The following SAMHD1 variants were observed in gnomAD, a reference collection of about 807,000 sequenced individuals.
SAMHD1 encodes SAM and HD domain containing deoxynucleoside triphosphate triphosphohydrolase 1.
In SAMHD1, 54 loss-of-function variants were observed where a neutral mutation model predicts 79.6. The ratio of observed to expected loss-of-function variants is 0.68; its 90% CI spans 0.55 to 0.85. The LOEUF (loss-of-function observed/expected upper bound fraction) is 0.85, where lower values mean the gene tolerates loss of function less well. Ranked by LOEUF, SAMHD1 falls within the 40% of genes least tolerant of loss-of-function variation. The pLI is 0.00. For synonymous variants in SAMHD1, 260 were observed against 264.1 expected, an observed-to-expected ratio of 0.98 and a Z score of 0.15; for missense variants, 663 against 782.7, an observed-to-expected ratio of 0.85 and a Z score of 1.82.
rs747865444 is a variant in SAMHD1 at position 36,951,562 on chromosome 20, C to T, written c.82G>A (p.Ala28Thr). The change falls in exon 1 of 16, where the codon GCA becomes ACA. Residue 28 changes from alanine (A) to threonine (T), a missense_variant. Physicochemically the swap from Ala to Thr is moderately conservative, Grantham distance 58 (BLOSUM62 0). Transcript: ENST00000646673. ...AGGCCCGGGGACCAGTCTGCCTCTG[C>T]GGAAGGGGTGTTTGAGGGGGTTCTC... Reference protein sequence around the residue: ...SPRTPSNTPSAEADWSPGLEL... With the variant: ...SPRTPSNTPSTEADWSPGLEL... The T allele has an allele frequency of 9.3e-6, 15 of 1,614,182 alleles. No homozygotes were observed. Among genetic ancestry groups the T allele is most frequent in the Non-Finnish European group, 1.3e-5 (15 of 1,180,000 alleles).
At chr20:36,949,977 C>T (rs1232239282) in intron 1 of SAMHD1, among the ~76,000 whole-genome samples, 1 of 150,468 alleles carries the variant, frequency 6.6e-6, no homozygotes, top group Non-Finnish European at 1.5e-5. Flanking sequence ...TAGTGCCTGC[C>T]TGGTCAGATC....
rs1327694039 is a variant in SAMHD1 at position 36,916,998 on chromosome 20, A to G, written c.904T>C (p.Ser302Pro). The G allele has an allele frequency of 1.6e-5, 26 of 1,614,062 alleles. No individual in the cohort carries two copies. The highest frequency in any genetic ancestry group is 2.2e-5 in the Non-Finnish European group (26 of 1,179,946). The change falls in exon 8 of 16, where the codon TCT (serine) becomes CCT (proline). Residue 302 changes from serine (S) to proline (P), a missense_variant. By Grantham distance (74) the Ser-to-Pro change is moderately conservative. Coordinates refer to ENST00000646673, the MANE Select transcript of SAMHD1 (RefSeq NM_015474.4). ...ACATCAATGCCATTTCTTTTATTAG[A>G]TACTATCTCATAAAGGAAGCTTTTG... ...ENKSFLYEIV[S>P]NKRNGIDVDK... is the part of the protein sequence containing the mutation.
intron 3 of SAMHD1, 131 bp downstream of exon 3, chr20:36,940,908 A>G: frequency 1.4e-6 from 1 of 711,140 alleles, no homozygotes; most frequent in East Asian, 2.7e-5. Flanking sequence ...CAGAAAGTTT[A>G]GAAAAGATCC....
chr20:36,948,538 C>A (rs2063710221), intron 1 of SAMHD1, among the ~76,000 whole-genome samples: 1 of 151,072 alleles, frequency 6.6e-6, no homozygotes, highest in Non-Finnish European at 1.5e-5. Context: ...CAGGCGTGAG[C>A]CACCGTGCCC....
At chr20:36,903,857 CT>C in intron 13 of SAMHD1, 1 of 256,666 alleles carries the variant, frequency 3.9e-6, no homozygotes, top group Non-Finnish European at 7.6e-6. Context: ...GGCCCCACAA[CT>C]TTTTCCTCTG....
At chr20:36,930,708 G>GT (rs2063563002) in intron 5 of SAMHD1, 52 bp downstream of exon 5, 1 of 1,198,870 alleles carries the variant, frequency 8.3e-7, no homozygotes, top group East Asian at 2.3e-5. Flanking sequence ...TCAAAGAGAG[G>GT]TAACATATGT....
chr20:36,920,051 C>T (rs1004204421), intron 6 of SAMHD1, among the ~76,000 whole-genome samples: 3 of 152,110 alleles, frequency 2.0e-5, no homozygotes, highest in Non-Finnish European at 4.4e-5. Context: ...GACATCTGCC[C>T]TTTCCTAGAT....
intron 10 of SAMHD1, chr20:36,911,669 C>T (rs904043267): frequency 1.7e-5 from 4 of 234,730 alleles, no homozygotes; most frequent in Admixed American, 1.5e-4. Flanking sequence ...GGCTTTGAAA[C>T]TAGATATCTC....
chr20:36,902,303 T>G (rs1990320347), intron 13 of SAMHD1, among the ~76,000 whole-genome samples: 1 of 152,134 alleles, frequency 6.6e-6, no homozygotes, highest in Non-Finnish European at 1.5e-5. Flanking sequence ...TGCCTCAGCC[T>G]CCTTGAGTAG....
In SAMHD1 at chr20:36,941,104, C is replaced by G; in HGVS notation, c.283G>C (p.Gly95Arg). ...TAACTAAGCAGCTTCTTCCTCTCCC[C>G]CAAGGAACTAAAATTACAATAGGAT... ...RFENLGVSSL[G>R]ERKKLLSYIQ... The change falls in exon 3 of 16, where the codon GGG becomes CGG. Residue 95 changes from glycine to arginine, a missense_variant. Coordinates refer to ENST00000646673, the MANE Select transcript of SAMHD1 (RefSeq NM_015474.4). 1 of 1,610,838 alleles carries G rather than the reference C, an allele frequency of 6.2e-7. No individual in the cohort carries two copies. The highest frequency in any genetic ancestry group is 8.5e-7 in the Non-Finnish European group (1 of 1,177,266).
intron 13 of SAMHD1, among the ~76,000 whole-genome samples, chr20:36,898,963 G>C (rs1187196049): frequency 6.6e-6 from 1 of 151,340 alleles, no homozygotes; most frequent in Non-Finnish European, 1.5e-5. Context: ...GCCTTCTGGG[G>C]ATTTGGAAAT....
At chr20:36,905,845 C>T (rs1041053714) in intron 11 of SAMHD1, among the ~76,000 whole-genome samples, 38 of 151,266 alleles carry the variant, frequency 2.5e-4, no homozygotes, top group African/African-American at 7.5e-4. Context: ...TAGTGGCGGG[C>T]GCCTGTAATC....
intron 11 of SAMHD1, among the ~76,000 whole-genome samples, chr20:36,906,893 G>A (rs567876818): frequency 3.3e-5 from 5 of 151,638 alleles, no homozygotes; most frequent in African/African-American, 1.2e-4. Context: ...CTAGGTTCAA[G>A]TGATTCTCGT....
rs562563721 is a variant in SAMHD1, at chr20:36,935,718, G to T, written c.349-529C>A. Among the ~76,000 whole-genome samples the T allele has an allele frequency of 3.3e-5, 5 of 152,104 alleles. No homozygotes were observed. In the South Asian group the frequency reaches 1.0e-3, roughly 32 times the overall value. ...CCTGAGTAGCTGGGACTACAGGGGT[G>T]TGCCACTATGCCCAGCTAATTTTTG... On this transcript the variant is annotated intron_variant, in intron 3 of 15. Transcript: ENST00000646673.
intron 15 of SAMHD1, 180 bp downstream of exon 15, chr20:36,897,641 GA>G: frequency 1.4e-6 from 1 of 690,900 alleles, no homozygotes; most frequent in East Asian, 2.7e-5. Context: ...CCTGTAGGAA[GA>G]AATCACTGGC....
At chr20:36,902,939 G>A (rs1013534368) in intron 13 of SAMHD1, among the ~76,000 whole-genome samples, 10 of 151,952 alleles carry the variant, frequency 6.6e-5, no homozygotes, top group African/African-American at 1.9e-4. Flanking sequence ...GGGTTTCGCC[G>A]TGTTGGGCAG....
chr20:36,942,898 C>T (rs1019582465), intron 2 of SAMHD1, among the ~76,000 whole-genome samples: 2 of 152,030 alleles, frequency 1.3e-5, no homozygotes, highest in African/African-American at 2.4e-5. Context: ...CCTCGTGATC[C>T]GCCCGCCTCG....
At chr20:36,897,515 G>A (rs1202078322) in intron 15 of SAMHD1, 2 of 426,272 alleles carry the variant, frequency 4.7e-6, no homozygotes, top group African/African-American at 2.0e-5. Context: ...TCTGAAAGAT[G>A]GAGACACTAT....
Position 36,912,889 on chromosome 20 carries a change from G to GTTTTTTTTTTTTTTT in SAMHD1, c.1063-352_1063-338dup, listed in dbSNP as rs71186089. On this transcript the variant is annotated intron_variant, in intron 9 of 15. Coordinates refer to ENST00000646673, the MANE Select transcript of SAMHD1 (RefSeq NM_015474.4). Reference sequence around the variant, plus strand: ...TGTACCCAGCTAACTTTCATTCTTTGTTTTTTTTTTTTTTTTTTTTTTTTT... The same window carrying GTTTTTTTTTTTTTTT: ...TGTACCCAGCTAACTTTCATTCTTTGTTTTTTTTTTTTTTTTTTTTTTTTTTTTTTTTTTTTTTTT... Among the ~76,000 whole-genome samples the GTTTTTTTTTTTTTTT allele has an allele frequency of 2.7e-4, 11 of 41,102 alleles. 2 individuals carry two copies. Among genetic ancestry groups the GTTTTTTTTTTTTTTT allele is most frequent in the African/African-American group, 9.4e-4 (9 of 9,532 alleles). The allele number at this position is 41,102 out of a possible 152,430, so 27.0% of individuals were successfully genotyped here.
Sources: allele counts gnomAD v4.1 joint callset (sites outside exome capture counted in the v4.1 genomes callset), GRCh38; gene constraint gnomAD v4.1.1; transcripts MANE v1.5; gene names NCBI Gene and HGNC (gene_info 2026-07-23, HGNC 2026-07-21).